ERCC4: variants seen among roughly 807,000 people sequenced by gnomAD.
ERCC4 encodes the protein DNA repair endonuclease XPF.
ERCC4 carries 65 observed loss-of-function variants against 76.9 expected under a neutral mutation model. The ratio of observed to expected loss-of-function variants is 0.84; its 90% CI spans 0.69 to 1.04. ERCC4 has a LOEUF of 1.04. ERCC4 is among the 50% of genes least tolerant of loss of function. ERCC4 has a pLI of 0.00. For synonymous variants in ERCC4, 463 were observed against 410.1 expected (o/e 1.13, Z -1.56); for missense variants, 1,214 against 1,128.2 (o/e 1.08, Z -1.09).
At chr16:13,940,318 G>T (rs3136181) in intron 9 of ERCC4, among the ~76,000 whole-genome samples, 1 of 151,968 alleles carries the variant, frequency 6.6e-6, no homozygotes, top group Non-Finnish European at 1.5e-5. Context: ...ACCCCAGGAG[G>T]TGGAGGTTGC....
At position 13,944,797 on chromosome 16, in the gene ERCC4, C is replaced by T. The variant is rs779366136; in HGVS notation, c.1979C>T (p.Thr660Ile). The change falls in exon 10 of 11, where the codon ACA (threonine) becomes ATA (isoleucine). Residue 660 changes from threonine (T) to isoleucine (I), a missense_variant. Physicochemically the swap from Thr to Ile is moderately conservative, Grantham distance 89. Coordinates refer to ENST00000311895, the MANE Select transcript of ERCC4 (RefSeq NM_005236.3). ...DETNLDLVRG[T>I]ASADVSTDTR... The stretch of plus-strand genomic sequence containing the variant: ...ACAAACTTAGACCTAGTAAGAGGCA[C>T]AGCATCTGCAGATGTTTCCACTGAC... The T allele has an allele frequency of 1.4e-5, 22 of 1,613,568 alleles. No homozygotes were observed. The highest frequency in any genetic ancestry group is 1.5e-5 in the Non-Finnish European group (18 of 1,179,574).
intron 8 of ERCC4, among the ~76,000 whole-genome samples, chr16:13,937,299 T>G (rs2032319777): frequency 6.6e-6 from 1 of 152,106 alleles, no homozygotes; most frequent in African/African-American, 2.4e-5. Flanking sequence ...TCCATGCCCA[T>G]GTATTTATAT....
chr16:13,931,958 G>T, intron 5 of ERCC4, 199 bp from the exon 6 acceptor site: 4 of 588,222 alleles, frequency 6.8e-6, no homozygotes, highest in Non-Finnish European at 9.0e-6. Context: ...ATATCTTGGG[G>T]GCCCCTGGGA....
chr16:13,933,045 CAA>C (rs11337706), intron 6 of ERCC4: 17,322 of 212,782 alleles, frequency 0.081, 36 homozygotes, highest in East Asian at 0.16. Context: ...GACTCGGTCT[CAA>C]AAAAAAAAAA....
chr16:13,935,802 A>T, intron 8 of ERCC4, 59 bp downstream of exon 8: 3 of 1,229,030 alleles, frequency 2.4e-6, no homozygotes, highest in Non-Finnish European at 3.6e-6. Context: ...TAACCCAGAA[A>T]CTATACCAGT....
intron 10 of ERCC4, among the ~76,000 whole-genome samples, chr16:13,945,039 C>A (rs1359391572): frequency 5.3e-5 from 8 of 152,238 alleles, no homozygotes; most frequent in Admixed American, 6.5e-5. Context: ...GGCACTGTGT[C>A]ATCTGCGAAT....
At chr16:13,946,683 G>A (rs1462965771) in intron 10 of ERCC4, among the ~76,000 whole-genome samples, 4 of 152,156 alleles carry the variant, frequency 2.6e-5, no homozygotes, top group Non-Finnish European at 5.9e-5. Flanking sequence ...CTGGCATTTT[G>A]TTATGAATGC....
chr16:13,926,715 G>A lies in ERCC4; in HGVS notation c.543G>A (p.Val181=), dbSNP rs1384139066. 2 of 1,614,078 alleles carry A rather than the reference G, an allele frequency of 1.2e-6. No homozygotes were observed. The highest frequency in any genetic ancestry group is 1.7e-6 in the Non-Finnish European group (2 of 1,179,966). ...FDTGFCHVER[V]MRNLFVRKLY... Reference sequence around the variant, plus strand: ...CTGGTTTTTGTCATGTGGAAAGAGTGATGAGAAATCTTTTTGTGAGGAAAC... The same window carrying A: ...CTGGTTTTTGTCATGTGGAAAGAGTAATGAGAAATCTTTTTGTGAGGAAAC... The change falls in exon 3 of 11, where the codon GTG becomes GTA. Residue 181 remains valine, a synonymous_variant. Transcript: ENST00000311895.
chr16:13,944,595 G>T (rs2032479843), intron 9 of ERCC4, 128 bp from the exon 10 acceptor site: 5 of 700,342 alleles, frequency 7.1e-6, no homozygotes, highest in Non-Finnish European at 1.1e-5. Flanking sequence ...TATATTCCTT[G>T]TTTTTGTTTT....
At chr16:13,923,628 C>T (rs142559661) in intron 2 of ERCC4, among the ~76,000 whole-genome samples, 1 of 152,146 alleles carries the variant, frequency 6.6e-6, no homozygotes, top group Admixed American at 6.5e-5. Flanking sequence ...AAGCAAACTC[C>T]TTAATTTTCA....
Position 13,935,143 on chromosome 16 carries a change from C to T in ERCC4, c.1214-3C>T. 2 of 1,605,642 alleles carry T rather than the reference C, an allele frequency of 1.2e-6. No individual in the cohort carries two copies. Among genetic ancestry groups the T allele is most frequent in the South Asian group, 2.2e-5 (2 of 90,930 alleles). On this transcript the variant is annotated splice_polypyrimidine_tract_variant and splice_region_variant and intron_variant, in intron 7 of 10. Coordinates refer to ENST00000311895, the MANE Select transcript of ERCC4 (RefSeq NM_005236.3). ...GTAACATAATGTTGTTTTCTATTTT[C>T]AGGTCAAGTACTGATTTGTGCAAGT...
At position 13,943,031 on chromosome 16, in the gene ERCC4, A is replaced by T. The variant is rs181570415; in HGVS notation, c.1905-1692A>T. On this transcript the variant is annotated intron_variant, in intron 9 of 10. Coordinates refer to ENST00000311895, the MANE Select transcript of ERCC4 (RefSeq NM_005236.3). ...TGGTATTGAGAATAATGAGAAAAAC[A>T]TGGAACTGAAACCATTGTCTGCCCC... 4.5e-3 allele frequency among the ~76,000 whole-genome samples: 688 copies of T among 152,354 alleles called. 4 individuals are homozygous for T. Among genetic ancestry groups the T allele is most frequent in the African/African-American group, 0.016 (647 of 41,586 alleles).
rs1168384452 is a variant in ERCC4, at chr16:13,949,727, T to A, written c.*1380T>A. Reference sequence around the variant, plus strand: ...ACAAATAGGATATTCACAGCATCTTTGTGCAGTTTTTAAACTTTTATATTT... The same window carrying A: ...ACAAATAGGATATTCACAGCATCTTAGTGCAGTTTTTAAACTTTTATATTT... On this transcript the variant is annotated 3_prime_UTR_variant, in exon 11 of 11. Coordinates refer to ENST00000311895, the MANE Select transcript of ERCC4 (RefSeq NM_005236.3). 2 of 232,674 alleles carry A rather than the reference T, an allele frequency of 8.6e-6. No homozygotes were observed. Among genetic ancestry groups the A allele is most frequent in the Non-Finnish European group, 1.7e-5 (2 of 117,794 alleles). 14.4% of individuals were successfully genotyped at this position (232,674 alleles called of 1,614,324 possible). A position where few individuals can be genotyped will look rare whatever the true frequency, so the allele number is the denominator to read the frequency against.
In ERCC4 at chr16:13,922,139, G is replaced by A; in HGVS notation, c.316G>A (p.Val106Ile). 2 of 1,613,576 alleles carry A rather than the reference G, an allele frequency of 1.2e-6. No individual in the cohort carries two copies. Among genetic ancestry groups the A allele is most frequent in the Non-Finnish European group, 1.7e-6 (2 of 1,179,538 alleles). Residue 106 changes from valine (V) to isoleucine (I), a missense_variant, in exon 2 of 11, where the codon GTT (valine) becomes ATT (isoleucine). Transcript: ENST00000311895. ...SRYEVYTQGG[V>I]IFATSRILVV... ...CTATGAAGTTTACACACAAGGTGGT[G>A]TTATATTTGCGACAAGTAGGATACT... is the stretch of plus-strand genomic sequence containing the variant.
chr16:13,923,297 C>T (rs2032012831), intron 2 of ERCC4, among the ~76,000 whole-genome samples: 1 of 152,180 alleles, frequency 6.6e-6, no homozygotes, highest in Non-Finnish European at 1.5e-5. Flanking sequence ...ACAAGTTGTT[C>T]ATCCCAGGCT....
At chr16:13,934,406 G>T in intron 7 of ERCC4, 104 bp downstream of exon 7, 1 of 778,582 alleles carries the variant, frequency 1.3e-6, no homozygotes, top group Non-Finnish European at 2.3e-6. Flanking sequence ...GACCAACATG[G>T]TGAAACCCTG....
chr16:13,934,140 CTT>C (rs1277374127), intron 6 of ERCC4, 50 bp from the exon 7 acceptor site: 19 of 1,232,228 alleles, frequency 1.5e-5, no homozygotes, highest in Non-Finnish European at 2.3e-5. Context: ...CTTTGGAAGA[CTT>C]TATGGGTAAA....
chr16:13,935,271 G>C lies in ERCC4; in HGVS notation c.1339G>C (p.Glu447Gln), dbSNP rs748206066. Residue 447 changes from glutamate (E) to glutamine (Q), a missense_variant, in exon 8 of 11, where the codon GAA becomes CAA. Glu to Gln is a conservative substitution (Grantham distance 29). Transcript: ENST00000311895. ...RKTFEKDSKA[E>Q]EVWMKFRKED... is the part of the protein sequence containing the mutation. ...AACCTTTGAGAAGGATAGCAAAGCT[G>C]AAGAAGTCTGGATGAAATTTAGGAA... The C allele has an allele frequency of 1.2e-6, 2 of 1,614,092 alleles. No homozygotes were observed. Among genetic ancestry groups the C allele is most frequent in the Non-Finnish European group, 1.7e-6 (2 of 1,180,014 alleles).
intron 9 of ERCC4, among the ~76,000 whole-genome samples, chr16:13,943,733 T>C (rs1831449416): frequency 6.6e-6 from 1 of 151,072 alleles, no homozygotes; most frequent in African/African-American, 2.4e-5. Context: ...TTCCAGTTGT[T>C]TTTTTTTTTC....
Sources: allele counts gnomAD v4.1 joint callset (sites outside exome capture counted in the v4.1 genomes callset), GRCh38; gene constraint gnomAD v4.1.1; transcripts MANE v1.5; gene names NCBI Gene and HGNC (gene_info 2026-07-23, HGNC 2026-07-21).